The following EDEM3 variants were observed in gnomAD, a reference collection of about 807,000 sequenced individuals.
EDEM3 encodes the protein ER degradation enhancing alpha-mannosidase like protein 3, also known as ER degradation-enhancing alpha-mannosidase-like protein 3.
A neutral mutation model predicts 110.2 loss-of-function variants in EDEM3; 60 were observed. The observed-to-expected ratio is 0.54, with a 90% CI of 0.44 to 0.67. The LOEUF (loss-of-function observed/expected upper bound fraction) is 0.67, where lower values mean the gene tolerates loss of function less well. EDEM3 is among the 30% of genes least tolerant of loss of function. EDEM3 has a pLI of 0.00. For synonymous variants in EDEM3, 352 were observed against 382.9 expected (o/e 0.92, Z 0.94); for missense variants, 996 against 1,121.0 (o/e 0.89, Z 1.59).
Position 184,723,914 on chromosome 1 carries a change from T to C in EDEM3, c.748-58A>G. 3.8e-6 allele frequency: 5 copies of C among 1,308,116 alleles called. No homozygotes were observed. The South Asian group carries it at 7.4e-5, about 19-fold the overall frequency. The allele number at this position is 1,308,116 out of a possible 1,614,324, so 81.0% of individuals were successfully genotyped here. ...GTGCATATTTGAAGAACTAAGTCTC[T>C]TTGGCAAATAGGAAACTAACAAACA... On this transcript the variant is annotated intron_variant, in intron 7 of 19. Transcript: ENST00000318130.
chr1:184,704,410 T>G (rs1397533726), intron 18 of EDEM3, among the ~76,000 whole-genome samples: 1 of 151,934 alleles, frequency 6.6e-6, no homozygotes, highest in Non-Finnish European at 1.5e-5. Flanking sequence ...ATCCCAGCAC[T>G]TTTGGAGGCC....
At chr1:184,745,764 T>C (rs949994138) in intron 2 of EDEM3, among the ~76,000 whole-genome samples, 1 of 152,128 alleles carries the variant, frequency 6.6e-6, no homozygotes, top group Non-Finnish European at 1.5e-5. Context: ...CTAAAGGAAA[T>C]TGTGCTTACC....
At chr1:184,722,364 G>A (rs1388825058) in intron 8 of EDEM3, among the ~76,000 whole-genome samples, 5 of 151,948 alleles carry the variant, frequency 3.3e-5, no homozygotes, top group Non-Finnish European at 5.9e-5. Flanking sequence ...TAACCACACT[G>A]TACTATTTAA....
chr1:184,694,432 A>G lies in EDEM3; in HGVS notation c.2430T>C (p.Asn810=). 1 of 1,608,350 alleles carries G rather than the reference A, an allele frequency of 6.2e-7. No individual in the cohort carries two copies. Among genetic ancestry groups the G allele is most frequent in the Non-Finnish European group, 8.5e-7 (1 of 1,177,022 alleles). Residue 810 remains asparagine (N), a synonymous_variant, in exon 20 of 20, where the codon AAT becomes AAC. Coordinates refer to ENST00000318130, the MANE Select transcript of EDEM3 (RefSeq NM_025191.4). The part of the protein sequence containing the change: ...MENEEQPSSE[N]DSQNQSGEQI... ...GTTCACCACTCTGATTCTGAGAATC[A>G]TTTTCAGAGGATGGTTGTTCTTCAT...
chr1:184,742,694 T>C (rs932756973), intron 2 of EDEM3, among the ~76,000 whole-genome samples: 1 of 152,168 alleles, frequency 6.6e-6, no homozygotes, highest in Admixed American at 6.5e-5. Context: ...CAGCCCCTAA[T>C]TACTTTTACA....
At chr1:184,695,444 A>C (rs538827062) in intron 19 of EDEM3, among the ~76,000 whole-genome samples, 20 of 152,078 alleles carry the variant, frequency 1.3e-4, no homozygotes, top group Non-Finnish European at 1.9e-4. Flanking sequence ...TTGGATGCTC[A>C]AGTCCCTTAT....
At chr1:184,737,117 T>G in intron 3 of EDEM3, 53 bp from the exon 4 acceptor site, 1 of 1,471,580 alleles carries the variant, frequency 6.8e-7, no homozygotes, top group Non-Finnish European at 9.5e-7. Flanking sequence ...AAATAGTTTA[T>G]GAATGTACAA....
At chr1:184,710,867 A>G (rs1427709328) in intron 15 of EDEM3, among the ~76,000 whole-genome samples, 5 of 152,152 alleles carry the variant, frequency 3.3e-5, no homozygotes, top group Non-Finnish European at 7.4e-5. Flanking sequence ...AAAAACACAG[A>G]TTTTTCTCCC....
intron 11 of EDEM3, among the ~76,000 whole-genome samples, chr1:184,718,850 G>A (rs553021190): frequency 4.6e-5 from 7 of 152,178 alleles, no homozygotes; most frequent in African/African-American, 1.4e-4. Context: ...GTTAGAATGA[G>A]AGAATATTAC....
chr1:184,715,609 G>C (rs1650503210), intron 13 of EDEM3, among the ~76,000 whole-genome samples: 1 of 152,122 alleles, frequency 6.6e-6, no homozygotes, highest in Non-Finnish European at 1.5e-5. Context: ...CTTACTAACT[G>C]TGTGACCTTA....
At position 184,690,239 on chromosome 1, in the gene EDEM3, T is replaced by G. The variant is rs1649001525; in HGVS notation, c.*3824A>C. On this transcript the variant is annotated 3_prime_UTR_variant, in exon 20 of 20. Transcript: ENST00000318130. ...AGTGAGCAAGCGCTGGATCATAATTTATACACAATTCTAGAGTTTTATTCA... is the reference window on the plus strand; with the variant it reads ...AGTGAGCAAGCGCTGGATCATAATTGATACACAATTCTAGAGTTTTATTCA... 6.6e-6 allele frequency: 1 copy of G among 152,178 alleles called. No individual in the cohort carries two copies. The highest frequency in any genetic ancestry group is 1.5e-5 in the Non-Finnish European group (1 of 68,030). The allele number at this position is 152,178 out of a possible 1,614,324, so 9.4% of individuals were successfully genotyped here. A position where few individuals can be genotyped will look rare whatever the true frequency, so the allele number is the denominator to read the frequency against.
In EDEM3 at chr1:184,715,906, C is replaced by T. The variant is rs553269569; in HGVS notation, c.1370+982G>A. Among the ~76,000 whole-genome samples the T allele has an allele frequency of 1.2e-4, 18 of 152,226 alleles. No individual in the cohort carries two copies. In the East Asian group the frequency reaches 1.7e-3, roughly 15 times the overall value. ...ATTCGAAGCCTAATTAACCATTATC[C>T]GAACACTAAGTGAAGAACTAAGGGA... On this transcript the variant is annotated intron_variant, in intron 13 of 19. Coordinates refer to ENST00000318130, the MANE Select transcript of EDEM3 (RefSeq NM_025191.4).
intron 19 of EDEM3, among the ~76,000 whole-genome samples, chr1:184,696,739 A>G (rs1368690278): frequency 6.6e-6 from 1 of 152,040 alleles, no homozygotes; most frequent in African/African-American, 2.4e-5. Flanking sequence ...TATTTATCCT[A>G]GGTTCCCTAA....
At chr1:184,734,220 G>C (rs191447523) in intron 5 of EDEM3, among the ~76,000 whole-genome samples, 12 of 152,078 alleles carry the variant, frequency 7.9e-5, no homozygotes. Context: ...TGTAATCCCA[G>C]CATTCTGGGA....
chr1:184,701,205 T>A (rs559675280), intron 19 of EDEM3, among the ~76,000 whole-genome samples: 2 of 152,142 alleles, frequency 1.3e-5, no homozygotes, highest in Non-Finnish European at 2.9e-5. Context: ...TACATTGTGT[T>A]CAAATAAAAT....
chr1:184,749,663 A>G, intron 1 of EDEM3, 71 bp from the exon 2 acceptor site: 1 of 1,245,706 alleles, frequency 8.0e-7, no homozygotes, highest in Non-Finnish European at 1.1e-6. Context: ...TTATCTTTCA[A>G]AAAGTTAATT....
chr1:184,724,732 A>T (rs2102095511), intron 7 of EDEM3, among the ~76,000 whole-genome samples: 1 of 152,314 alleles, frequency 6.6e-6, no homozygotes, highest in South Asian at 2.1e-4. Context: ...TATAATTTTA[A>T]TTAAATGGCA....
chr1:184,696,328 G>A (rs1344202182), intron 19 of EDEM3, among the ~76,000 whole-genome samples: 1 of 151,986 alleles, frequency 6.6e-6, no homozygotes, highest in Non-Finnish European at 1.5e-5. Context: ...CCTAAGAAGA[G>A]GGTATTTAAG....
At chr1:184,727,571 T>C (rs1323298314) in intron 6 of EDEM3, among the ~76,000 whole-genome samples, 2 of 152,114 alleles carry the variant, frequency 1.3e-5, no homozygotes, top group African/African-American at 4.8e-5. Context: ...CTTAACAGTG[T>C]CCAATCAACA....
Sources: allele counts gnomAD v4.1 joint callset (sites outside exome capture counted in the v4.1 genomes callset), GRCh38; gene constraint gnomAD v4.1.1; transcripts MANE v1.5; gene names NCBI Gene and HGNC (gene_info 2026-07-23, HGNC 2026-07-21).